Variants in GRK3 observed in about 807,000 individuals in gnomAD.
The protein encoded by GRK3 is G protein-coupled receptor kinase 3.
A neutral mutation model predicts 95.7 loss-of-function variants in GRK3; 54 were observed. The ratio of observed to expected loss-of-function variants is 0.56; its 90% CI spans 0.45 to 0.71. The LOEUF (loss-of-function observed/expected upper bound fraction) is 0.71. Among genes scored for constraint, GRK3 ranks in the 30% least tolerant of loss-of-function variants. The pLI is 0.00. For synonymous variants in GRK3, 281 were observed against 290.8 expected, an observed-to-expected ratio of 0.97 and a Z score of 0.34; for missense variants, 649 against 851.2, an observed-to-expected ratio of 0.76 and a Z score of 2.96.
At chr22:25,647,020 C>CAAAAAAAAAAAAAAAA (rs1025786169) in intron 3 of GRK3, among the ~76,000 whole-genome samples, 212 of 53,142 alleles carry the variant, frequency 4.0e-3, no homozygotes, top group Non-Finnish European at 5.7e-3. Flanking sequence ...GACTTTGTCT[C>CAAAAAAAAAAAAAAAA]AAAAAAAAAA....
chr22:25,725,936 G>C lies in GRK3; in HGVS notation c.*3486G>C, dbSNP rs1045547880. On this transcript the variant is annotated 3_prime_UTR_variant, in exon 21 of 21. Transcript: ENST00000324198. ...TGCACTCCAGCCTGGGCGACAGAGCGAGACTCTGTCTCAAAAAAAAAAAGG... is the reference window on the plus strand; with the variant it reads ...TGCACTCCAGCCTGGGCGACAGAGCCAGACTCTGTCTCAAAAAAAAAAAGG... The C allele has an allele frequency of 4.6e-6, 1 of 215,580 alleles. No homozygotes were observed. Among genetic ancestry groups the C allele is most frequent in the Non-Finnish European group, 9.1e-6 (1 of 110,132 alleles). 13.4% of individuals were successfully genotyped at this position (215,580 alleles called of 1,614,324 possible).
At chr22:25,621,161 C>T (rs75984372) in intron 2 of GRK3, among the ~76,000 whole-genome samples, 3,668 of 152,330 alleles carry the variant, frequency 0.024, 44 homozygotes, top group Middle Eastern at 0.058. Context: ...TAACTATTAT[C>T]CCTGCTATAG....
chr22:25,606,842 G>T (rs545440629), intron 2 of GRK3, among the ~76,000 whole-genome samples: 2 of 152,210 alleles, frequency 1.3e-5, no homozygotes, highest in East Asian at 3.9e-4. Context: ...AGATTGTTTG[G>T]CTACACCCTG....
At chr22:25,645,952 A>C (rs906089972) in intron 3 of GRK3, among the ~76,000 whole-genome samples, 1 of 152,032 alleles carries the variant, frequency 6.6e-6, no homozygotes, top group East Asian at 1.9e-4. Flanking sequence ...GGTTAAGGCA[A>C]AAGCAGACAG....
At chr22:25,596,606 G>T (rs1421198451) in intron 1 of GRK3, among the ~76,000 whole-genome samples, 1 of 152,172 alleles carries the variant, frequency 6.6e-6, no homozygotes. Context: ...AAATGCAGGG[G>T]CAAGCAACTG....
At chr22:25,655,174 T>C (rs1481291984) in intron 3 of GRK3, among the ~76,000 whole-genome samples, 1 of 152,162 alleles carries the variant, frequency 6.6e-6, no homozygotes, top group African/African-American at 2.4e-5. Context: ...ATTTCCACTT[T>C]CCTGTGTCCC....
In GRK3 at chr22:25,690,238, T is replaced by A. The variant is rs2085154497; in HGVS notation, c.1007T>A (p.Leu336His). 1.2e-6 allele frequency: 2 copies of A among 1,614,176 alleles called. No individual in the cohort carries two copies. The highest frequency in any genetic ancestry group is 1.7e-6 in the Non-Finnish European group (2 of 1,179,996). Reference sequence around the variant, plus strand: ...CATGGACACGCAAGAATATCAGATCTTGGTCTTGCCTGCGATTTTTCCAAA... The same window carrying A: ...CATGGACACGCAAGAATATCAGATCATGGTCTTGCCTGCGATTTTTCCAAA... ...DEHGHARISD[L>H]GLACDFSKKK... The change falls in exon 12 of 21, where the codon CTT becomes CAT. Residue 336 changes from leucine (L) to histidine (H), a missense_variant. Leu to His is a moderately conservative substitution (Grantham distance 99). Around this residue, in one of 3 missense-constraint regions of GRK3, gnomAD observed 382 missense variants for 493.8 expected, o/e 0.77. Coordinates refer to ENST00000324198, the MANE Select transcript of GRK3 (RefSeq NM_005160.4).
intron 3 of GRK3, chr22:25,647,582 C>T (rs2084794904): frequency 1.3e-6 from 2 of 1,559,286 alleles, no homozygotes; most frequent in Non-Finnish European, 1.8e-6. Context: ...GCTAGAACTA[C>T]AGAAGACCTT....
chr22:25,701,788 G>T (rs1168678450), intron 13 of GRK3, among the ~76,000 whole-genome samples: 1 of 152,106 alleles, frequency 6.6e-6, no homozygotes. Flanking sequence ...AACATCGTCG[G>T]GTGGAAACAG....
At chr22:25,595,808 G>A (rs1015814098) in intron 1 of GRK3, among the ~76,000 whole-genome samples, 5 of 151,828 alleles carry the variant, frequency 3.3e-5, no homozygotes, top group African/African-American at 1.2e-4. Flanking sequence ...ATTACTGGGT[G>A]TGGTGGTGTG....
chr22:25,588,584 A>G (rs1932393367), intron 1 of GRK3, among the ~76,000 whole-genome samples: 1 of 152,208 alleles, frequency 6.6e-6, no homozygotes, highest in South Asian at 2.1e-4. Flanking sequence ...TTTGGATAAC[A>G]GAGCTCTGTT....
At chr22:25,682,166 C>G (rs76851145) in intron 9 of GRK3, among the ~76,000 whole-genome samples, 2,383 of 152,252 alleles carry the variant, frequency 0.016, 32 homozygotes, top group Middle Eastern at 0.065. Context: ...TTGGTAATGA[C>G]TAGACAGTAA....
At chr22:25,576,311 G>A (rs554199119) in intron 1 of GRK3, among the ~76,000 whole-genome samples, 2 of 152,272 alleles carry the variant, frequency 1.3e-5, no homozygotes, top group East Asian at 3.9e-4. Flanking sequence ...AGTGGCTTAC[G>A]CTGGATGTCC....
chr22:25,588,581 A>G (rs1187813581), intron 1 of GRK3, among the ~76,000 whole-genome samples: 1 of 152,170 alleles, frequency 6.6e-6, no homozygotes, highest in Non-Finnish European at 1.5e-5. Flanking sequence ...GACTTTGGAT[A>G]ACAGAGCTCT....
intron 17 of GRK3, 72 bp downstream of exon 17, chr22:25,711,235 G>C: frequency 1.9e-6 from 2 of 1,054,234 alleles, no homozygotes; most frequent in Non-Finnish European, 2.8e-6. Flanking sequence ...ATCAAACTTA[G>C]TGGTTGTTTT....
Position 25,621,550 on chromosome 22 carries a change from T to G in GRK3, c.190+17097T>G, listed in dbSNP as rs150772045. Among the ~76,000 whole-genome samples, 386 of 152,346 alleles carry G rather than the reference T, an allele frequency of 2.5e-3. 1 individual carries two copies. Among genetic ancestry groups the G allele is most frequent in the African/African-American group, 8.9e-3 (369 of 41,590 alleles). ...TTTAATGACAAATATATGATAACCT[T>G]TGGAGCAAAATTTTTCTCTCCAGTC... On this transcript the variant is annotated intron_variant, in intron 2 of 20. Transcript: ENST00000324198.
intron 1 of GRK3, among the ~76,000 whole-genome samples, chr22:25,599,629 T>C (rs2084396036): frequency 6.7e-6 from 1 of 150,120 alleles, no homozygotes; most frequent in African/African-American, 2.4e-5. Context: ...GAAAATCACA[T>C]ATATAATAAA....
chr22:25,648,443 G>A (rs560909147), intron 3 of GRK3: 20 of 1,291,364 alleles, frequency 1.5e-5, no homozygotes, highest in Non-Finnish European at 2.0e-5. Context: ...TGCGACTAGA[G>A]GTTAAACTAG....
At chr22:25,695,759 C>T (rs1275996061) in intron 13 of GRK3, among the ~76,000 whole-genome samples, 1 of 152,000 alleles carries the variant, frequency 6.6e-6, no homozygotes, top group Non-Finnish European at 1.5e-5. Flanking sequence ...ACCTCCTGGG[C>T]TCAAGCAATC....
Sources: allele counts gnomAD v4.1 joint callset (sites outside exome capture counted in the v4.1 genomes callset), GRCh38; gene constraint gnomAD v4.1.1; regional missense constraint gnomAD v4.1.1; transcripts MANE v1.5; gene names NCBI Gene and HGNC (gene_info 2026-07-23, HGNC 2026-07-21).